Variants in WDR82 observed in about 807,000 individuals in gnomAD.
WDR82 encodes the protein WD repeat-containing protein 82.
WDR82 carries 8 observed loss-of-function variants against 36.1 expected under a neutral mutation model. The ratio of observed to expected loss-of-function variants is 0.22; its 90% CI spans 0.13 to 0.40. The LOEUF (loss-of-function observed/expected upper bound fraction) is 0.40. WDR82 is among the 10% of genes least tolerant of loss of function. The probability of loss-of-function intolerance (pLI) is 1.00; values close to 1 mark genes in which losing one functional copy is unlikely to be tolerated. For synonymous variants in WDR82, 129 were observed against 137.8 expected, an observed-to-expected ratio of 0.94 and a Z score of 0.45; for missense variants, 185 against 400.5, an observed-to-expected ratio of 0.46 and a Z score of 4.59.
chr3:52,260,563 C>T (rs1219086072), intron 4 of WDR82, 62 bp from the exon 5 acceptor site: 6 of 1,136,536 alleles, frequency 5.3e-6, no homozygotes, highest in Non-Finnish European at 7.4e-6. Flanking sequence ...CGTGGAATAA[C>T]CAAAGACTGC....
chr3:52,275,695 C>T (rs1215653543), intron 1 of WDR82, among the ~76,000 whole-genome samples: 5 of 152,068 alleles, frequency 3.3e-5, no homozygotes, highest in Admixed American at 1.3e-4. Flanking sequence ...ACCAGCCTGA[C>T]CAACATGGTG....
chr3:52,258,743 G>A, intron 7 of WDR82, 65 bp from the exon 8 acceptor site: 2 of 1,605,454 alleles, frequency 1.2e-6, no homozygotes, highest in East Asian at 2.2e-5. Context: ...CTGGAAATGA[G>A]ACATGGATTG....
chr3:52,277,546 T>C (rs1382775417), intron 1 of WDR82, among the ~76,000 whole-genome samples: 2 of 152,170 alleles, frequency 1.3e-5, no homozygotes, highest in African/African-American at 4.8e-5. Context: ...AAGTTTTAGA[T>C]GTTGCTGAAA....
At chr3:52,276,205 G>A (rs1297795520) in intron 1 of WDR82, among the ~76,000 whole-genome samples, 1 of 152,154 alleles carries the variant, frequency 6.6e-6, no homozygotes, top group Non-Finnish European at 1.5e-5. Context: ...AGGCCAAGGC[G>A]GGTGGATCAC....
intron 2 of WDR82, 94 bp from the exon 3 acceptor site, chr3:52,267,112 A>C (rs998710135): frequency 1.1e-6 from 1 of 950,388 alleles, no homozygotes; most frequent in Non-Finnish European, 1.6e-6. Context: ...CAAATAATCC[A>C]TTGTATTCTA....
intron 3 of WDR82, among the ~76,000 whole-genome samples, chr3:52,263,667 A>T (rs1319866219): frequency 2.0e-5 from 3 of 152,248 alleles, no homozygotes; most frequent in Non-Finnish European, 2.9e-5. Context: ...TAGTTTAACA[A>T]CTCACTGAAT....
intron 2 of WDR82, among the ~76,000 whole-genome samples, chr3:52,270,383 G>T (rs1036112321): frequency 1.3e-5 from 2 of 152,190 alleles, no homozygotes; most frequent in African/African-American, 4.8e-5. Context: ...CCTCCCAAAG[G>T]TTGGGATTAT....
chr3:52,259,365 A>G, intron 6 of WDR82, 99 bp from the exon 7 acceptor site: 4 of 1,217,336 alleles, frequency 3.3e-6, no homozygotes, highest in Non-Finnish European at 4.8e-6. Flanking sequence ...CTTCCTTTCC[A>G]TGAAACCCTT....
At chr3:52,275,274 T>G (rs1418903914) in intron 1 of WDR82, among the ~76,000 whole-genome samples, 2 of 152,186 alleles carry the variant, frequency 1.3e-5, no homozygotes, top group Non-Finnish European at 2.9e-5. Flanking sequence ...AGGAAATACT[T>G]CTTTTCTTCT....
chr3:52,269,487 G>A (rs1700134855), intron 2 of WDR82, among the ~76,000 whole-genome samples: 1 of 151,228 alleles, frequency 6.6e-6, no homozygotes. Context: ...AAAGAATAAA[G>A]AATAGGCCGG....
chr3:52,263,593 G>A (rs534612958), intron 3 of WDR82, among the ~76,000 whole-genome samples: 2 of 152,348 alleles, frequency 1.3e-5, no homozygotes, highest in East Asian at 1.9e-4. Flanking sequence ...ATGAGCCAGG[G>A]CAGAAGCAAA....
rs1176957885 is a variant in WDR82 at position 52,255,108 on chromosome 3, A to G, written c.*2382T>C. ...TAGGCGCATGCCACCACGCCCGGCT[A>G]ATTTTGTATTTTTAGTAGAGATGGG... On this transcript the variant is annotated 3_prime_UTR_variant, in exon 9 of 9. Coordinates refer to ENST00000296490, the MANE Select transcript of WDR82 (RefSeq NM_025222.4). The G allele has an allele frequency of 6.6e-6, 1 of 151,988 alleles. No homozygotes were observed. Among genetic ancestry groups the G allele is most frequent in the Non-Finnish European group, 1.5e-5 (1 of 68,038 alleles). The allele number at this position is 151,988 out of a possible 1,614,324, so 9.4% of individuals were successfully genotyped here.
In WDR82 at chr3:52,254,830, G is replaced by A. The variant is rs1194623377; in HGVS notation, c.*2660C>T. On this transcript the variant is annotated 3_prime_UTR_variant, in exon 9 of 9. Coordinates refer to ENST00000296490, the MANE Select transcript of WDR82 (RefSeq NM_025222.4). The stretch of plus-strand genomic sequence containing the variant: ...TGCTGAGCACGTCTGTGCAGCCCCA[G>A]CCCTCAGCATCTCTTCCACTCGCTT... 1 of 152,152 alleles carries A rather than the reference G, an allele frequency of 6.6e-6. No homozygotes were observed. Among genetic ancestry groups the A allele is most frequent in the Non-Finnish European group, 1.5e-5 (1 of 68,108 alleles). The allele number at this position is 152,152 out of a possible 1,614,324, so 9.4% of individuals were successfully genotyped here.
intron 5 of WDR82, 91 bp from the exon 6 acceptor site, chr3:52,259,963 G>A (rs1700046464): frequency 2.8e-6 from 4 of 1,438,148 alleles, no homozygotes; most frequent in Non-Finnish European, 3.7e-6. Context: ...ATTACTTTTT[G>A]ACTAAGGAAA....
chr3:52,269,481 A>G (rs1393381704), intron 2 of WDR82, among the ~76,000 whole-genome samples: 3 of 151,708 alleles, frequency 2.0e-5, no homozygotes, highest in Non-Finnish European at 4.4e-5. Context: ...GTCTCAAAAG[A>G]ATAAAGAATA....
At chr3:52,261,764 G>A (rs1270079710) in intron 3 of WDR82, among the ~76,000 whole-genome samples, 2 of 152,084 alleles carry the variant, frequency 1.3e-5, no homozygotes, top group Non-Finnish European at 2.9e-5. Flanking sequence ...GCTATAATAA[G>A]AGAGATAACA....
At chr3:52,274,844 A>G (rs1030045613) in intron 1 of WDR82, among the ~76,000 whole-genome samples, 5 of 151,828 alleles carry the variant, frequency 3.3e-5, no homozygotes, top group African/African-American at 1.2e-4. Flanking sequence ...AGGTTGCAGC[A>G]GTGAGCCAAG....
At chr3:52,277,005 C>CTA (rs1416356289) in intron 1 of WDR82, among the ~76,000 whole-genome samples, 1 of 135,278 alleles carries the variant, frequency 7.4e-6, no homozygotes, top group East Asian at 2.1e-4. Flanking sequence ...GGACACCAGT[C>CTA]TAAAAAAAAA....
intron 1 of WDR82, 171 bp downstream of exon 1, chr3:52,278,030 G>A (rs1308140441): frequency 6.2e-6 from 3 of 484,766 alleles, no homozygotes; most frequent in Admixed American, 4.3e-5. Context: ...TTTTTAAGAA[G>A]AAAAAAATAA....
Sources: allele counts gnomAD v4.1 joint callset (sites outside exome capture counted in the v4.1 genomes callset), GRCh38; gene constraint gnomAD v4.1.1; transcripts MANE v1.5; gene names NCBI Gene and HGNC (gene_info 2026-07-23, HGNC 2026-07-21).